SLC39A11: variants seen among roughly 807,000 people sequenced by gnomAD.
The protein encoded by SLC39A11 is zinc transporter ZIP11.
Under a neutral mutation model 36.1 loss-of-function variants are expected in SLC39A11, and 33 were observed. The ratio of observed to expected loss-of-function variants is 0.91; its 90% CI spans 0.69 to 1.22. The LOEUF is 1.22. Among genes scored for constraint, SLC39A11 ranks in the 50% most tolerant of loss-of-function variants. SLC39A11 has a pLI of 0.00. For synonymous variants in SLC39A11, 166 were observed against 170.3 expected, an observed-to-expected ratio of 0.97 and a Z score of 0.20; for missense variants, 432 against 430.3, an observed-to-expected ratio of 1.00 and a Z score of -0.03.
chr17:72,680,256 C>T (rs775614794), intron 7 of SLC39A11, among the ~76,000 whole-genome samples: 19 of 152,088 alleles, frequency 1.2e-4, no homozygotes, highest in Non-Finnish European at 4.4e-5. Flanking sequence ...ACCCCTACCG[C>T]CCTCAGCTCC....
chr17:72,903,777 TA>T (rs1241427266), intron 5 of SLC39A11, among the ~76,000 whole-genome samples: 3 of 152,212 alleles, frequency 2.0e-5, no homozygotes, highest in African/African-American at 7.2e-5. Context: ...TCTGTCTGCC[TA>T]GAGGACTGGG....
intron 5 of SLC39A11, among the ~76,000 whole-genome samples, chr17:72,852,044 T>C (rs2079357438): frequency 6.6e-6 from 1 of 150,538 alleles, no homozygotes; most frequent in Non-Finnish European, 1.5e-5. Context: ...CTACTAAAAA[T>C]ACAAAAATTA....
intron 7 of SLC39A11, among the ~76,000 whole-genome samples, chr17:72,708,893 C>G (rs1448258833): frequency 2.6e-5 from 4 of 152,096 alleles, no homozygotes; most frequent in Non-Finnish European, 5.9e-5. Context: ...TGAACTTTGC[C>G]TTTGGCTCTG....
chr17:72,939,880 G>T (rs1220160728), intron 5 of SLC39A11, among the ~76,000 whole-genome samples: 5 of 152,092 alleles, frequency 3.3e-5, no homozygotes, highest in Non-Finnish European at 7.4e-5. Flanking sequence ...TTCAGATTTT[G>T]GAATATTTGC....
chr17:72,969,177 T>C (rs1240270310), intron 4 of SLC39A11, among the ~76,000 whole-genome samples: 1 of 152,134 alleles, frequency 6.6e-6, no homozygotes, highest in African/African-American at 2.4e-5. Context: ...TTAAACATGA[T>C]GGCCCAGGCC....
At chr17:72,680,935 T>G (rs2071485045) in intron 7 of SLC39A11, among the ~76,000 whole-genome samples, 1 of 152,124 alleles carries the variant, frequency 6.6e-6, no homozygotes, top group African/African-American at 2.4e-5. Flanking sequence ...GTGTACACGT[T>G]TTCGGTTTCT....
At chr17:72,782,123 A>G (rs1347916533) in intron 6 of SLC39A11, among the ~76,000 whole-genome samples, 1 of 152,126 alleles carries the variant, frequency 6.6e-6, no homozygotes, top group African/African-American at 2.4e-5. Context: ...AAATCCAATG[A>G]TAAGTCCTTC....
intron 4 of SLC39A11, among the ~76,000 whole-genome samples, chr17:73,024,940 T>G (rs1010622755): frequency 4.2e-5 from 6 of 141,338 alleles, no homozygotes; most frequent in African/African-American, 1.6e-4. Flanking sequence ...GGTCTTGAAC[T>G]CCTGACCTCA....
chr17:72,673,461 A>C (rs940298174), intron 7 of SLC39A11, among the ~76,000 whole-genome samples: 6 of 152,162 alleles, frequency 3.9e-5, no homozygotes, highest in African/African-American at 1.4e-4. Flanking sequence ...TGTATCTACA[A>C]TGTATCTTAT....
intron 4 of SLC39A11, among the ~76,000 whole-genome samples, chr17:72,976,907 T>TAATCC (rs2148120113): frequency 6.6e-6 from 1 of 152,284 alleles, no homozygotes; most frequent in South Asian, 2.1e-4. Context: ...GGATTATATA[T>TAATCC]TGTAACCAAT....
intron 5 of SLC39A11, among the ~76,000 whole-genome samples, chr17:72,862,479 A>T (rs2080089142): frequency 6.6e-6 from 1 of 152,196 alleles, no homozygotes; most frequent in African/African-American, 2.4e-5. Flanking sequence ...CAGAGCAGAA[A>T]CGTTTGCCAG....
At chr17:72,698,398 C>T (rs369867732) in intron 7 of SLC39A11, among the ~76,000 whole-genome samples, 1 of 145,708 alleles carries the variant, frequency 6.9e-6, no homozygotes, top group African/African-American at 2.5e-5. Flanking sequence ...AACACACATA[C>T]GGGGTTTATT....
chr17:72,688,746 C>T (rs1397592354), intron 7 of SLC39A11, among the ~76,000 whole-genome samples: 1 of 152,208 alleles, frequency 6.6e-6, no homozygotes, highest in African/African-American at 2.4e-5. Context: ...CTTCAGTGGG[C>T]ATCAACTGGT....
chr17:73,009,083 G>A (rs1248513890), intron 4 of SLC39A11, among the ~76,000 whole-genome samples: 2 of 145,026 alleles, frequency 1.4e-5, no homozygotes, highest in East Asian at 4.0e-4. Flanking sequence ...AAAAAAGGCA[G>A]GGGGGCGGGG....
intron 6 of SLC39A11, among the ~76,000 whole-genome samples, chr17:72,801,773 T>C (rs1019600304): frequency 1.3e-5 from 2 of 152,180 alleles, no homozygotes; most frequent in Non-Finnish European, 2.9e-5. Context: ...AATTGGATTA[T>C]GGAAATATCT....
intron 6 of SLC39A11, among the ~76,000 whole-genome samples, chr17:72,846,276 C>T (rs1202549863): frequency 2.6e-5 from 4 of 152,014 alleles, no homozygotes; most frequent in Non-Finnish European, 5.9e-5. Flanking sequence ...GTGATCCGCC[C>T]ACCTTGGCTT....
At chr17:72,892,108 C>A (rs2081779162) in intron 5 of SLC39A11, among the ~76,000 whole-genome samples, 1 of 152,202 alleles carries the variant, frequency 6.6e-6, no homozygotes, top group South Asian at 2.1e-4. Flanking sequence ...TTAATAATTT[C>A]TTGTCTAATT....
intron 6 of SLC39A11, among the ~76,000 whole-genome samples, chr17:72,741,808 G>A (rs566515201): frequency 3.0e-4 from 45 of 152,134 alleles, no homozygotes; most frequent in Non-Finnish European, 3.8e-4. Flanking sequence ...TATATATGAT[G>A]AAAGCCATAA....
intron 6 of SLC39A11, 61 bp downstream of exon 6, chr17:72,849,573 T>G: frequency 1.4e-6 from 2 of 1,398,188 alleles, no homozygotes; most frequent in Non-Finnish European, 1.9e-6. Context: ...GCCAGACAAC[T>G]GTGCTGACAA....
Sources: allele counts gnomAD v4.1 joint callset (sites outside exome capture counted in the v4.1 genomes callset), GRCh38; gene constraint gnomAD v4.1.1; transcripts MANE v1.5; gene names NCBI Gene and HGNC (gene_info 2026-07-23, HGNC 2026-07-21).